Variants in BCL9 observed in about 807,000 individuals in gnomAD.
BCL9 encodes B-cell CLL/lymphoma 9 protein.
In BCL9, 25 loss-of-function variants were observed where a neutral mutation model predicts 88.5. The ratio of observed to expected loss-of-function variants is 0.28; its 90% CI spans 0.21 to 0.39. BCL9 has a LOEUF of 0.39. Ranked by LOEUF, BCL9 falls within the 10% of genes least tolerant of loss-of-function variation. The probability of loss-of-function intolerance (pLI) is 1.00; values close to 1 mark genes in which losing one functional copy is unlikely to be tolerated. For synonymous variants in BCL9, 711 were observed against 673.3 expected (o/e 1.06, Z -0.87); for missense variants, 1,817 against 1,877.8 (o/e 0.97, Z 0.60).
chr1:147,602,743 T>C (rs1365123125), intron 1 of BCL9, among the ~76,000 whole-genome samples: 1 of 152,218 alleles, frequency 6.6e-6, no homozygotes, highest in East Asian at 1.9e-4. Flanking sequence ...ATAAGGCAAG[T>C]GTATGTCACT....
At chr1:147,554,499 T>C (rs1471777328) in intron 1 of BCL9, among the ~76,000 whole-genome samples, 1 of 152,258 alleles carries the variant, frequency 6.6e-6, no homozygotes, top group Non-Finnish European at 1.5e-5. Flanking sequence ...GAATCCTTGA[T>C]AATCTCCAAT....
chr1:147,593,298 T>C (rs1656920313), intron 1 of BCL9, among the ~76,000 whole-genome samples: 1 of 152,252 alleles, frequency 6.6e-6, no homozygotes, highest in South Asian at 2.1e-4. Flanking sequence ...TTGCTTCTGC[T>C]CTGCCATTTA....
chr1:147,567,724 G>C (rs10494249), intron 1 of BCL9, among the ~76,000 whole-genome samples: 3,948 of 152,256 alleles, frequency 0.026, 82 homozygotes, highest in Admixed American at 0.05. Flanking sequence ...AGCAAGTAGT[G>C]TTCCTGCACA....
intron 1 of BCL9, among the ~76,000 whole-genome samples, chr1:147,550,048 T>C (rs1332925949): frequency 6.6e-6 from 1 of 152,212 alleles, no homozygotes; most frequent in Non-Finnish European, 1.5e-5. Context: ...TTTTCCCTGA[T>C]AATTGCTTCC....
intron 1 of BCL9, among the ~76,000 whole-genome samples, chr1:147,580,334 A>T (rs1656312049): frequency 6.6e-6 from 1 of 152,230 alleles, no homozygotes; most frequent in Admixed American, 6.5e-5. Flanking sequence ...GAATGTACGT[A>T]AAGAAAAGAT....
At chr1:147,579,508 A>G (rs1656266549) in intron 1 of BCL9, among the ~76,000 whole-genome samples, 1 of 152,188 alleles carries the variant, frequency 6.6e-6, no homozygotes, top group Admixed American at 6.5e-5. Flanking sequence ...TGCCCCTCTT[A>G]TAGCCCATGT....
chr1:147,577,385 T>A (rs1656157202), intron 1 of BCL9, among the ~76,000 whole-genome samples: 1 of 152,142 alleles, frequency 6.6e-6, no homozygotes. Flanking sequence ...AGGGCTTGCC[T>A]TGGATGGAGA....
intron 3 of BCL9, among the ~76,000 whole-genome samples, chr1:147,610,761 A>G (rs1657956377): frequency 6.6e-6 from 1 of 152,214 alleles, no homozygotes. Context: ...TCCCTGAATA[A>G]AGGACTTTCT....
chr1:147,618,724 C>T (rs1296119675), intron 7 of BCL9, 92 bp from the exon 8 acceptor site: 3 of 1,251,450 alleles, frequency 2.4e-6, no homozygotes, highest in Non-Finnish European at 3.2e-6. Flanking sequence ...ATTTATGTGC[C>T]TGGGGACAAT....
At chr1:147,544,406 C>T (rs1570799969) in intron 1 of BCL9, among the ~76,000 whole-genome samples, 1 of 126,600 alleles carries the variant, frequency 7.9e-6, no homozygotes, top group Non-Finnish European at 1.5e-5. Context: ...TTCTCCTTCC[C>T]TCTCTCACCA....
chr1:147,602,590 G>C (rs958598847), intron 1 of BCL9, among the ~76,000 whole-genome samples: 1 of 152,204 alleles, frequency 6.6e-6, no homozygotes, highest in African/African-American at 2.4e-5. Context: ...TTATGACTTA[G>C]AGATTTGGAA....
At chr1:147,568,121 T>C (rs1655693605) in intron 1 of BCL9, among the ~76,000 whole-genome samples, 1 of 152,202 alleles carries the variant, frequency 6.6e-6, no homozygotes, top group African/African-American at 2.4e-5. Context: ...CAATGCCTCT[T>C]CCTTTTGGAA....
rs1553204483 is a variant in BCL9 at position 147,619,332 on chromosome 1, G to A, written c.1177G>A (p.Gly393Arg). ...AAGTGGGGGACCGCAGCAGAATCCT[G>A]GGGTATTAGATGGGCCTCAGAAAAA... Reference protein sequence around the residue: ...AQSGGPQQNPGVLDGPQKKPE... With the variant: ...AQSGGPQQNPRVLDGPQKKPE... Residue 393 changes from glycine to arginine, a missense_variant, in exon 8 of 10, where the codon GGG becomes AGG. Transcript: ENST00000234739. The surrounding 1 kb of genome is among the most constrained non-coding windows in gnomAD (Gnocchi z 4.1). 1.2e-6 allele frequency: 2 copies of A among 1,614,106 alleles called. No homozygotes were observed. The highest frequency in any genetic ancestry group is 1.7e-6 in the Non-Finnish European group (2 of 1,180,030).
At chr1:147,605,573 G>C (rs1156882288) in intron 2 of BCL9, among the ~76,000 whole-genome samples, 2 of 152,192 alleles carry the variant, frequency 1.3e-5, no homozygotes, top group Non-Finnish European at 2.9e-5. Context: ...CTATTAAAAG[G>C]TGACAGAGGT....
At chr1:147,582,946 T>A (rs1309663851) in intron 1 of BCL9, among the ~76,000 whole-genome samples, 2 of 152,264 alleles carry the variant, frequency 1.3e-5, no homozygotes, top group African/African-American at 4.8e-5. Flanking sequence ...TGGAATTTTT[T>A]AATTCTTTGT....
intron 1 of BCL9, among the ~76,000 whole-genome samples, chr1:147,546,194 C>T (rs956150438): frequency 2.0e-5 from 3 of 151,914 alleles, no homozygotes; most frequent in Non-Finnish European, 4.4e-5. Flanking sequence ...AAAAATTAGC[C>T]GGGCTTGGTG....
At chr1:147,542,409 G>T (rs1239924490) in intron 1 of BCL9, among the ~76,000 whole-genome samples, 1 of 152,216 alleles carries the variant, frequency 6.6e-6, no homozygotes, top group African/African-American at 2.4e-5. Flanking sequence ...AATCAAGGTT[G>T]CTGATCAGGG....
intron 7 of BCL9, among the ~76,000 whole-genome samples, chr1:147,617,979 C>T (rs1418337186): frequency 1.3e-5 from 2 of 152,180 alleles, no homozygotes; most frequent in Admixed American, 1.3e-4. Flanking sequence ...GAGTGTGCTT[C>T]TACCCTGGAC....
Position 147,620,598 on chromosome 1 carries a change from A to T in BCL9, c.2443A>T (p.Ser815Cys). The change falls in exon 8 of 10, where the codon AGT (serine) becomes TGT (cysteine). Residue 815 changes from serine (S) to cysteine (C), a missense_variant. Ser to Cys is a moderately radical substitution (Grantham distance 112, BLOSUM62 -1). Transcript: ENST00000234739. Reference sequence around the variant, plus strand: ...CGACCAGAGGACTAACAGCCGGCTCAGTCATATGCCACCACTACCTCTCAA... The same window carrying T: ...CGACCAGAGGACTAACAGCCGGCTCTGTCATATGCCACCACTACCTCTCAA... ...GPDQRTNSRL[S>C]HMPPLPLNPS... The T allele has an allele frequency of 6.2e-7, 1 of 1,614,184 alleles. No homozygotes were observed.
Sources: gnomAD v4.1 joint callset for allele counts (sites outside exome capture counted in the v4.1 genomes callset) on GRCh38, gnomAD v4.1.1 for gene constraint, Gnocchi (gnomAD v3.1) non-coding constraint, MANE v1.5 for transcripts, NCBI Gene and HGNC (gene_info 2026-07-23, HGNC 2026-07-21) for gene names.